MERTK: variants seen among roughly 807,000 people sequenced by gnomAD.
The protein encoded by MERTK is MER proto-oncogene, tyrosine kinase, also known as tyrosine-protein kinase Mer.
A neutral mutation model predicts 99.3 loss-of-function variants in MERTK; 69 were observed. The ratio of observed to expected loss-of-function variants is 0.70; its 90% CI spans 0.57 to 0.85. MERTK has a LOEUF of 0.85. Among genes scored for constraint, MERTK ranks in the 40% least tolerant of loss-of-function variants. MERTK has a pLI of 0.00. For missense variants in MERTK, 1,125 were observed against 1,249.4 expected, an observed-to-expected ratio of 0.90 and a Z score of 1.50; for synonymous variants, 426 against 467.6, an observed-to-expected ratio of 0.91 and a Z score of 1.15.
At chr2:112,019,167 T>C (rs149688992) in intron 15 of MERTK, among the ~76,000 whole-genome samples, 1 of 152,270 alleles carries the variant, frequency 6.6e-6, no homozygotes, top group African/African-American at 2.4e-5. Context: ...ACAATGTCAT[T>C]CACTGTAAAT....
At chr2:111,994,785 G>GAA in intron 9 of MERTK, 169 of 176,234 alleles carry the variant, frequency 9.6e-4, no homozygotes, top group East Asian at 2.2e-3. Flanking sequence ...CTCAAAAAAA[G>GAA]AAAAAAAAAA....
intron 7 of MERTK, among the ~76,000 whole-genome samples, chr2:111,981,406 T>C (rs1484563049): frequency 6.6e-6 from 1 of 152,270 alleles, no homozygotes; most frequent in East Asian, 1.9e-4. Context: ...GGAAAATGTA[T>C]CAAAATTTGT....
intron 8 of MERTK, among the ~76,000 whole-genome samples, chr2:111,984,684 C>A (rs1255432172): frequency 1.3e-5 from 2 of 152,152 alleles, no homozygotes; most frequent in African/African-American, 4.8e-5. Flanking sequence ...TTGAGACTTA[C>A]AGATCATGAT....
At chr2:111,910,610 G>GTGTGTATATATATATATA (rs370882764) in intron 1 of MERTK, among the ~76,000 whole-genome samples, 1 of 143,588 alleles carries the variant, frequency 7.0e-6, no homozygotes, top group Non-Finnish European at 1.5e-5. Context: ...GTGTGTGTGT[G>GTGTGTATATATATATATA]TATATATATA....
chr2:111,996,303 A>G (rs1266597671), intron 9 of MERTK: 2 of 154,290 alleles, frequency 1.3e-5, no homozygotes, highest in East Asian at 3.9e-4. Flanking sequence ...CTGGCTCTTC[A>G]GGCCACCAAC....
At position 112,029,141 on chromosome 2, in the gene MERTK, G is replaced by T; in HGVS notation, c.*277G>T. 1 of 1,099,208 alleles carries T rather than the reference G, an allele frequency of 9.1e-7. No homozygotes were observed. Among genetic ancestry groups the T allele is most frequent in the Non-Finnish European group, 1.1e-6 (1 of 896,172 alleles). 68.1% of individuals were successfully genotyped at this position (1,099,208 alleles called of 1,614,324 possible). The stretch of plus-strand genomic sequence containing the variant: ...CTTATCTTGCATATCTTAAAATTAA[G>T]CTTCAGCTGCTCCTTGATATTAACA... On this transcript the variant is annotated 3_prime_UTR_variant, in exon 19 of 19. Transcript: ENST00000295408.
rs541626695 is a variant in MERTK, at chr2:111,939,118, C to A, written c.483-5842C>A. Among the ~76,000 whole-genome samples, 265 of 152,236 alleles carry A rather than the reference C, an allele frequency of 1.7e-3. 8 individuals carry two copies. The South Asian group carries it at 0.053, about 31-fold the overall frequency. On this transcript the variant is annotated intron_variant, in intron 2 of 18. Coordinates refer to ENST00000295408, the MANE Select transcript of MERTK (RefSeq NM_006343.3). Reference sequence around the variant, plus strand: ...ATAAAGAAAGGAAATTTATTTCTCACAGTTAAGGAGGCTGGGACATTCAAG... The same window carrying A: ...ATAAAGAAAGGAAATTTATTTCTCAAAGTTAAGGAGGCTGGGACATTCAAG...
chr2:112,003,531 A>T, intron 12 of MERTK: 1 of 336,622 alleles, frequency 3.0e-6, no homozygotes, highest in South Asian at 3.2e-5. Flanking sequence ...CTAATTAGGA[A>T]CAAAAATGAA....
intron 2 of MERTK, among the ~76,000 whole-genome samples, chr2:111,944,533 A>ATTCATTAAAATAATTACTCT (rs1265922025): frequency 6.6e-6 from 1 of 151,258 alleles, no homozygotes; most frequent in African/African-American, 2.4e-5. Context: ...TTAAGGAATT[A>ATTCATTAAAATAATTACTCT]GCTCACACAC....
chr2:111,969,749 T>C (rs1396364812), intron 6 of MERTK, among the ~76,000 whole-genome samples: 2 of 148,910 alleles, frequency 1.3e-5, no homozygotes, highest in South Asian at 2.1e-4. Flanking sequence ...TGGAGTGCAG[T>C]GGCGCGATCT....
At chr2:112,020,942 C>T (rs1361808901) in intron 16 of MERTK, among the ~76,000 whole-genome samples, 1 of 151,796 alleles carries the variant, frequency 6.6e-6, no homozygotes, top group Non-Finnish European at 1.5e-5. Flanking sequence ...ACCTGTAATC[C>T]CAGCACTTTG....
At chr2:112,011,319 C>A (rs746304406) in intron 15 of MERTK, among the ~76,000 whole-genome samples, 1 of 152,212 alleles carries the variant, frequency 6.6e-6, no homozygotes, top group African/African-American at 2.4e-5. Flanking sequence ...ATGTCCCATG[C>A]AGCACCAGTG....
chr2:111,959,392 G>C (rs1403815747), intron 4 of MERTK, among the ~76,000 whole-genome samples: 2 of 152,052 alleles, frequency 1.3e-5, no homozygotes, highest in African/African-American at 2.4e-5. Flanking sequence ...GACCTCTCTT[G>C]CTTGTCTGGA....
At chr2:112,026,697 T>C (rs72825674) in intron 18 of MERTK, among the ~76,000 whole-genome samples, 2,189 of 152,320 alleles carry the variant, frequency 0.014, 23 homozygotes, top group Non-Finnish European at 0.023. Flanking sequence ...CATGGCACTT[T>C]GCCAGCCTCC....
chr2:112,019,163 T>C (rs1677279985), intron 15 of MERTK, among the ~76,000 whole-genome samples: 1 of 152,166 alleles, frequency 6.6e-6, no homozygotes, highest in South Asian at 2.1e-4. Flanking sequence ...AGAAACAATG[T>C]CATTCACTGT....
intron 3 of MERTK, among the ~76,000 whole-genome samples, chr2:111,947,010 C>T (rs530405311): frequency 2.6e-4 from 40 of 152,320 alleles, no homozygotes; most frequent in South Asian, 2.1e-3. Flanking sequence ...CGCGGTGGCA[C>T]GCCTGTAATC....
In MERTK at chr2:112,005,719, G is replaced by A. The variant is rs1573635394; in HGVS notation, c.1867+1735G>A. On this transcript the variant is annotated intron_variant, in intron 13 of 18. Transcript: ENST00000295408. The stretch of plus-strand genomic sequence containing the variant: ...TCAGTTTGTCAATATTCTTGATGTT[G>A]CTTCCTTATTAACCCCTTGTACCTA... Among the ~76,000 whole-genome samples, 5 of 152,128 alleles carry A rather than the reference G, an allele frequency of 3.3e-5. No individual in the cohort carries two copies. The East Asian group carries it at 9.6e-4, about 29-fold the overall frequency.
intron 3 of MERTK, among the ~76,000 whole-genome samples, chr2:111,946,847 C>A (rs1684969231): frequency 6.6e-6 from 1 of 152,182 alleles, no homozygotes; most frequent in African/African-American, 2.4e-5. Flanking sequence ...TATTTATAGC[C>A]CCTTTGGCAA....
intron 6 of MERTK, among the ~76,000 whole-genome samples, chr2:111,970,237 A>G (rs755504043): frequency 2.0e-5 from 3 of 148,240 alleles, no homozygotes; most frequent in Non-Finnish European, 3.0e-5. Context: ...GCTCACTGCA[A>G]CCTCTGCCTC....
Sources: allele counts gnomAD v4.1 joint callset (sites outside exome capture counted in the v4.1 genomes callset), GRCh38; gene constraint gnomAD v4.1.1; transcripts MANE v1.5; gene names NCBI Gene and HGNC (gene_info 2026-07-23, HGNC 2026-07-21).